Variants in KCNIP4 observed in about 807,000 individuals in gnomAD.
The protein encoded by KCNIP4 is Kv channel-interacting protein 4.
KCNIP4 carries 12 observed loss-of-function variants against 34.0 expected under a neutral mutation model. The ratio of observed to expected loss-of-function variants is 0.35; its 90% CI spans 0.23 to 0.57. The LOEUF (loss-of-function observed/expected upper bound fraction) is 0.57. KCNIP4 is among the 20% of genes least tolerant of loss of function. KCNIP4 has a pLI of 0.83. For synonymous variants in KCNIP4, 124 were observed against 102.2 expected (o/e 1.21, Z -1.29); for missense variants, 238 against 311.7 (o/e 0.76, Z 1.78).
At chr4:21,912,359 C>T (rs1245841395) in intron 1 of KCNIP4, among the ~76,000 whole-genome samples, 1 of 152,124 alleles carries the variant, frequency 6.6e-6, no homozygotes, top group Non-Finnish European at 1.5e-5. Context: ...TATTTGAGCA[C>T]CTCATATGCA....
chr4:21,721,254 T>A (rs550401040), intron 1 of KCNIP4, among the ~76,000 whole-genome samples: 1 of 152,200 alleles, frequency 6.6e-6, no homozygotes, highest in Admixed American at 6.6e-5. Context: ...CTTTAATGGC[T>A]GTGTAATAAT....
intron 1 of KCNIP4, among the ~76,000 whole-genome samples, chr4:21,890,922 G>C (rs188167000): frequency 6.6e-6 from 1 of 152,218 alleles, no homozygotes; most frequent in Admixed American, 6.6e-5. Flanking sequence ...AGTAGTGGCA[G>C]GGTAGACAAG....
chr4:21,137,852 G>A (rs1191102463), intron 1 of KCNIP4, among the ~76,000 whole-genome samples: 2 of 142,720 alleles, frequency 1.4e-5, no homozygotes, highest in African/African-American at 2.6e-5. Context: ...TAAAATGAAG[G>A]CTTTTTCCCT....
chr4:21,221,093 G>A (rs1757950309), intron 1 of KCNIP4, among the ~76,000 whole-genome samples: 1 of 152,112 alleles, frequency 6.6e-6, no homozygotes, highest in Admixed American at 6.5e-5. Context: ...CTTAACACCT[G>A]CTCCTTAGGC....
intron 1 of KCNIP4, among the ~76,000 whole-genome samples, chr4:21,721,323 G>GA (rs1714807168): frequency 6.6e-6 from 1 of 151,938 alleles, no homozygotes; most frequent in Non-Finnish European, 1.5e-5. Context: ...GCATTCAGGG[G>GA]ATCTACAGTA....
intron 1 of KCNIP4, among the ~76,000 whole-genome samples, chr4:21,328,761 A>T (rs1715337608): frequency 6.6e-6 from 1 of 152,188 alleles, no homozygotes; most frequent in South Asian, 2.1e-4. Context: ...CTGGTGTTCT[A>T]TTCTACTGTG....
intron 1 of KCNIP4, among the ~76,000 whole-genome samples, chr4:21,035,228 T>G (rs1577572377): frequency 6.6e-6 from 1 of 152,324 alleles, no homozygotes; most frequent in Middle Eastern, 3.4e-3. Context: ...CTTTGATGAT[T>G]TTGTCAGAAC....
At chr4:21,286,370 T>C (rs1175293299) in intron 1 of KCNIP4, among the ~76,000 whole-genome samples, 1 of 152,156 alleles carries the variant, frequency 6.6e-6, no homozygotes, top group African/African-American at 2.4e-5. Context: ...AAACATGTTA[T>C]ATAGTAGACA....
rs138061778 is a variant in KCNIP4 at position 21,035,786 on chromosome 4, C to T, written c.62-153077G>A. Among the ~76,000 whole-genome samples, 149 of 152,284 alleles carry T rather than the reference C, an allele frequency of 9.8e-4. 1 individual carries two copies. Among genetic ancestry groups the T allele is most frequent in the African/African-American group, 3.2e-3 (134 of 41,558 alleles). ...CCTTTTGCTGCCTTGCTAAGCTCTT[C>T]CTTCATCTAATGGCCTGCATCTGTG... On this transcript the variant is annotated intron_variant, in intron 1 of 8. Transcript: ENST00000382152.
chr4:20,745,188 T>C (rs1307855736), intron 5 of KCNIP4, among the ~76,000 whole-genome samples: 2 of 151,874 alleles, frequency 1.3e-5, no homozygotes, highest in Non-Finnish European at 2.9e-5. Flanking sequence ...CTGGCCTTTT[T>C]GTTGCTGTGA....
intron 1 of KCNIP4, among the ~76,000 whole-genome samples, chr4:20,929,284 G>T (rs1469243747): frequency 6.6e-6 from 1 of 151,800 alleles, no homozygotes. Context: ...AAAAAACACA[G>T]AATTTTCTCA....
intron 1 of KCNIP4, among the ~76,000 whole-genome samples, chr4:21,066,192 T>C (rs956152609): frequency 2.6e-5 from 4 of 152,166 alleles, no homozygotes; most frequent in Admixed American, 2.0e-4. Context: ...GCAGCTCTGA[T>C]GGCTCCAAGG....
At chr4:21,124,040 C>CA (rs1750395851) in intron 1 of KCNIP4, among the ~76,000 whole-genome samples, 6 of 118,840 alleles carry the variant, frequency 5.0e-5, no homozygotes, top group African/African-American at 7.5e-5. Context: ...AACAAAAAAA[C>CA]AACAAAAAAA....
chr4:21,907,406 T>A (rs901083557), intron 1 of KCNIP4, among the ~76,000 whole-genome samples: 4 of 152,188 alleles, frequency 2.6e-5, no homozygotes, highest in Non-Finnish European at 4.4e-5. Context: ...GTTCTTGGAC[T>A]TTCTAGCCTC....
intron 1 of KCNIP4, among the ~76,000 whole-genome samples, chr4:21,174,266 T>C (rs1187330962): frequency 6.6e-6 from 1 of 152,186 alleles, no homozygotes; most frequent in Non-Finnish European, 1.5e-5. Flanking sequence ...GTAGGCTTTA[T>C]GAAACTTCTG....
chr4:21,137,509 G>C (rs1751591766), intron 1 of KCNIP4, among the ~76,000 whole-genome samples: 1 of 152,028 alleles, frequency 6.6e-6, no homozygotes, highest in Non-Finnish European at 1.5e-5. Flanking sequence ...GGCTTTGTTT[G>C]ATTCTAATAT....
At chr4:21,302,228 C>T (rs577332554) in intron 1 of KCNIP4, among the ~76,000 whole-genome samples, 8 of 152,262 alleles carry the variant, frequency 5.3e-5, no homozygotes, top group African/African-American at 1.7e-4. Flanking sequence ...CACAAGTTCT[C>T]ATTTGGGAGA....
At chr4:21,604,538 G>T (rs1029540509) in intron 1 of KCNIP4, among the ~76,000 whole-genome samples, 1 of 151,932 alleles carries the variant, frequency 6.6e-6, no homozygotes. Context: ...TCCTCAAATG[G>T]CAAGCATAAA....
intron 1 of KCNIP4, among the ~76,000 whole-genome samples, chr4:21,903,143 T>C (rs577404268): frequency 2.0e-5 from 3 of 152,322 alleles, no homozygotes; most frequent in East Asian, 3.9e-4. Context: ...CTCTAATCTC[T>C]GATTGTGTCT....
Sources: gnomAD v4.1 joint callset for allele counts (sites outside exome capture counted in the v4.1 genomes callset) on GRCh38, gnomAD v4.1.1 for gene constraint, MANE v1.5 for transcripts, NCBI Gene and HGNC (gene_info 2026-07-23, HGNC 2026-07-21) for gene names.